The following NWD1 variants were observed in gnomAD, a reference collection of about 807,000 sequenced individuals.
NWD1 encodes the protein NACHT and WD repeat domain containing 1, also known as NACHT domain- and WD repeat-containing protein 1.
A neutral mutation model predicts 135.1 loss-of-function variants in NWD1; 129 were observed. The observed-to-expected ratio is 0.96, with a 90% CI of 0.83 to 1.11. The LOEUF is 1.11. Among genes scored for constraint, NWD1 ranks in the 50% least tolerant of loss-of-function variants. NWD1 has a pLI of 0.00. For synonymous variants in NWD1, 773 were observed against 786.0 expected, an observed-to-expected ratio of 0.98 and a Z score of 0.28; for missense variants, 1,740 against 1,851.3, an observed-to-expected ratio of 0.94 and a Z score of 1.10.
chr19:16,812,691 C>T, intron 18 of NWD1: 1 of 779,118 alleles, frequency 1.3e-6, no homozygotes, highest in Non-Finnish European at 2.4e-6. Flanking sequence ...AACAAACAAA[C>T]AAACAAACAA....
At chr19:16,730,968 G>T (rs2122695470) in intron 2 of NWD1, among the ~76,000 whole-genome samples, 1 of 149,890 alleles carries the variant, frequency 6.7e-6, no homozygotes, top group East Asian at 2.0e-4. Context: ...CGCAGGCCAG[G>T]CGCAGTGGCT....
intron 16 of NWD1, among the ~76,000 whole-genome samples, chr19:16,799,570 G>A (rs906151046): frequency 1.3e-5 from 2 of 151,426 alleles, no homozygotes; most frequent in African/African-American, 4.9e-5. Flanking sequence ...GCAATGGCAC[G>A]ATCTTGGCTC....
At chr19:16,804,312 G>A (rs1056310809) in intron 17 of NWD1, among the ~76,000 whole-genome samples, 4 of 152,136 alleles carry the variant, frequency 2.6e-5, no homozygotes, top group African/African-American at 7.2e-5. Context: ...CAGGTGTGGT[G>A]GCTCATGCCT....
At chr19:16,733,908 T>C (rs1253513823) in intron 3 of NWD1, among the ~76,000 whole-genome samples, 1 of 152,036 alleles carries the variant, frequency 6.6e-6, no homozygotes, top group African/African-American at 2.4e-5. Flanking sequence ...TCCAGTCACA[T>C]TGAGTACTGC....
At chr19:16,752,568 G>A (rs1968622342) in intron 6 of NWD1, among the ~76,000 whole-genome samples, 1 of 152,120 alleles carries the variant, frequency 6.6e-6, no homozygotes, top group African/African-American at 2.4e-5. Flanking sequence ...TTGAGCACAG[G>A]AGTTGAAGAC....
At chr19:16,783,774 T>G (rs1303921818) in intron 12 of NWD1, among the ~76,000 whole-genome samples, 1 of 151,556 alleles carries the variant, frequency 6.6e-6, no homozygotes, top group Non-Finnish European at 1.5e-5. Flanking sequence ...AGGAAAATAT[T>G]TGGGAAAAAA....
chr19:16,809,615 TGC>T (rs1970860963), intron 18 of NWD1, among the ~76,000 whole-genome samples: 1 of 149,128 alleles, frequency 6.7e-6, no homozygotes, highest in African/African-American at 2.5e-5. Flanking sequence ...AGTGCAGTGG[TGC>T]GATCTCGGCT....
intron 10 of NWD1, among the ~76,000 whole-genome samples, chr19:16,768,700 G>A (rs1012734993): frequency 3.0e-4 from 46 of 152,294 alleles, no homozygotes; most frequent in Admixed American, 1.2e-3. Flanking sequence ...TAGACCTGGG[G>A]CCTTAAATAC....
chr19:16,799,995 A>C lies in NWD1; in HGVS notation c.3569A>C (p.Gln1190Pro), dbSNP rs1350937619. ...GGALVASASP[Q>P]SSSFKVWDLS... ...GCTTTGGTGGCATCTGCTTCCCCAC[A>C]GTCCTCATCTTTCAAGGTCTGGGAT... Residue 1190 changes from glutamine to proline, a missense_variant, in exon 17 of 19, where the codon CAG (glutamine) becomes CCG (proline). Gln to Pro is a moderately conservative substitution (Grantham distance 76). Transcript: ENST00000524140. 2 of 1,614,012 alleles carry C rather than the reference A, an allele frequency of 1.2e-6. No individual in the cohort carries two copies. Among genetic ancestry groups the C allele is most frequent in the Non-Finnish European group, 1.7e-6 (2 of 1,180,020 alleles).
At chr19:16,774,078 C>G in intron 11 of NWD1, among the ~76,000 whole-genome samples, 1 of 151,650 alleles carries the variant, frequency 6.6e-6, no homozygotes, top group Middle Eastern at 3.4e-3. Flanking sequence ...ATCCATCCAC[C>G]GTCCTCCCAC....
intron 12 of NWD1, among the ~76,000 whole-genome samples, chr19:16,787,898 AATAATAATCATCATC>A (rs1348724016): frequency 1.2e-3 from 102 of 84,710 alleles, no homozygotes; most frequent in African/African-American, 2.0e-3. Context: ...TAATAATAAT[AATAATAATCATCATC>A]ATCATCATCA....
chr19:16,808,366 A>G (rs1302215939), intron 18 of NWD1, among the ~76,000 whole-genome samples: 2 of 152,004 alleles, frequency 1.3e-5, no homozygotes, highest in East Asian at 1.9e-4. Context: ...CCTGGCCAAC[A>G]TGGTGAAACC....
chr19:16,787,240 C>T (rs1970069114), intron 12 of NWD1, among the ~76,000 whole-genome samples: 1 of 152,124 alleles, frequency 6.6e-6, no homozygotes, highest in Admixed American at 6.6e-5. Context: ...GATCCTCCCA[C>T]CTCAGCTTCC....
At chr19:16,808,311 A>G (rs1319124875) in intron 18 of NWD1, among the ~76,000 whole-genome samples, 175 bp downstream of exon 18, 1 of 152,112 alleles carries the variant, frequency 6.6e-6, no homozygotes, top group Non-Finnish European at 1.5e-5. Flanking sequence ...GTACTTTTGG[A>G]GGCTGAGGCA....
At position 16,732,078 on chromosome 19, in the gene NWD1, G is replaced by A. The variant is rs141485925; in HGVS notation, c.81+800G>A. On this transcript the variant is annotated intron_variant, in intron 3 of 18. Coordinates refer to ENST00000524140, the MANE Select transcript of NWD1 (RefSeq NM_001007525.5). ...CTAAAAATATAAAAATTAGCCGGGC[G>A]TGGTGGCTCATGCCTGTAGTCCCAG... 6.3e-4 allele frequency among the ~76,000 whole-genome samples: 96 copies of A among 152,076 alleles called. 2 individuals carry two copies. The highest frequency in any genetic ancestry group is 5.9e-3 in the East Asian group (30 of 5,126).
chr19:16,807,549 C>A (rs757775309), intron 17 of NWD1, 37 bp from the exon 18 acceptor site: 4 of 1,480,244 alleles, frequency 2.7e-6, no homozygotes, highest in Non-Finnish European at 3.6e-6. Flanking sequence ...GTGATTCACT[C>A]TCAGTGTAAG....
intron 3 of NWD1, among the ~76,000 whole-genome samples, chr19:16,735,117 T>C (rs1967738336): frequency 6.6e-6 from 1 of 152,080 alleles, no homozygotes; most frequent in South Asian, 2.1e-4. Flanking sequence ...AGGAAACGCA[T>C]GGACAGTACG....
rs1247325116 is a variant in NWD1 at position 16,797,757 on chromosome 19, C to T, written c.3330C>T (p.Phe1110=). Residue 1110 remains phenylalanine, a synonymous_variant, in exon 16 of 19, where the codon TTC becomes TTT. Transcript: ENST00000524140. ...AAGFGRSVRI[F]LADSRGFRRF... ...GCTTTGGAAGATCGGTGCGGATATT[C>T]TTGGCGGACTCGAGGGGCTTTCGCC... 6.2e-7 allele frequency: 1 copy of T among 1,613,946 alleles called. No individual in the cohort carries two copies. Among genetic ancestry groups the T allele is most frequent in the African/African-American group, 1.3e-5 (1 of 74,930 alleles).
intron 4 of NWD1, among the ~76,000 whole-genome samples, chr19:16,738,738 AAT>A (rs1234687813): frequency 8.5e-5 from 12 of 141,444 alleles, no homozygotes; most frequent in African/African-American, 3.2e-4. Context: ...ATCTATATAT[AAT>A]ATATATATTA....
Sources: gnomAD v4.1 joint callset for allele counts (sites outside exome capture counted in the v4.1 genomes callset) on GRCh38, gnomAD v4.1.1 for gene constraint, MANE v1.5 for transcripts, NCBI Gene and HGNC (gene_info 2026-07-23, HGNC 2026-07-21) for gene names.